CCDC144A: variants seen among roughly 807,000 people sequenced by gnomAD.
CCDC144A encodes coiled-coil domain-containing protein 144A.
A neutral mutation model predicts 143.8 loss-of-function variants in CCDC144A; 41 were observed. The ratio of observed to expected loss-of-function variants is 0.29; its 90% CI spans 0.22 to 0.37. CCDC144A has a LOEUF of 0.37. Ranked by LOEUF, CCDC144A falls within the 10% of genes least tolerant of loss-of-function variation. The pLI, the probability that CCDC144A is intolerant of heterozygous loss-of-function variation, is 1.00. For synonymous variants in CCDC144A, 242 were observed against 517.9 expected (o/e 0.47, Z 7.23); for missense variants, 637 against 1,488.8 (o/e 0.43, Z 9.41).
the CCDC144A span, chr17:16,683,432 G>C: frequency 1.8e-6 from 2 of 1,089,306 alleles, no homozygotes; most frequent in Non-Finnish European, 2.7e-6. Context: ...TGCCGGGAGT[G>C]AGCGATGAGC....
chr17:16,692,487 G>GA (rs1447076946), intron 1 of CCDC144A, among the ~76,000 whole-genome samples: 2 of 7,572 alleles, frequency 2.6e-4, no homozygotes, highest in Non-Finnish European at 4.0e-4. Flanking sequence ...TAGAACCTCT[G>GA]GAAAAATACA....
At chr17:16,762,214 T>G in intron 13 of CCDC144A, 99 bp from the exon 14 acceptor site, 1 of 1,510,854 alleles carries the variant, frequency 6.6e-7, no homozygotes, top group Middle Eastern at 1.8e-4. Context: ...TACTTAAAAT[T>G]GTTCTCTGAG....
At chr17:16,676,449 T>C in the CCDC144A span, among the ~76,000 whole-genome samples, 1 of 149,552 alleles carries the variant, frequency 6.7e-6, no homozygotes, top group Non-Finnish European at 1.5e-5. Context: ...AGGCAGAGCT[T>C]GCAGTGGGCA....
At chr17:16,699,365 T>G (rs185833812) in intron 2 of CCDC144A, among the ~76,000 whole-genome samples, 205 of 149,082 alleles carry the variant, frequency 1.4e-3, no homozygotes, top group Non-Finnish European at 2.6e-3. Flanking sequence ...ATTTGCAGGG[T>G]TTTTTGGACT....
intron 9 of CCDC144A, among the ~76,000 whole-genome samples, chr17:16,729,433 G>C (rs1913604646): frequency 6.6e-6 from 1 of 152,118 alleles, no homozygotes; most frequent in African/African-American, 2.4e-5. Flanking sequence ...TTTTTGATGG[G>C]ATTATTTGCA....
the CCDC144A span, chr17:16,684,188 G>A: frequency 5.8e-6 from 6 of 1,026,364 alleles, no homozygotes; most frequent in South Asian, 6.3e-5. Flanking sequence ...AGAGGACTTC[G>A]TGGCACTGGA....
intron 8 of CCDC144A, among the ~76,000 whole-genome samples, chr17:16,722,167 T>C (rs1196044106): frequency 1.3e-5 from 2 of 152,208 alleles, no homozygotes; most frequent in Non-Finnish European, 2.9e-5. Context: ...GAATGTTGTA[T>C]TTTATCAAAT....
At chr17:16,759,399 A>G (rs1184969662) in intron 12 of CCDC144A, among the ~76,000 whole-genome samples, 6 of 152,222 alleles carry the variant, frequency 3.9e-5, no homozygotes, top group Admixed American at 6.5e-5. Context: ...GAAAATGGTG[A>G]GTCGAACCAT....
At chr17:16,704,613 A>G (rs1323969876) in intron 2 of CCDC144A, among the ~76,000 whole-genome samples, 1 of 152,058 alleles carries the variant, frequency 6.6e-6, no homozygotes, top group Non-Finnish European at 1.5e-5. Context: ...GGGAACAGTT[A>G]GAGCCCTTAC....
chr17:16,754,186 T>C (rs1289720652), intron 12 of CCDC144A, among the ~76,000 whole-genome samples: 1 of 152,248 alleles, frequency 6.6e-6, no homozygotes, highest in Non-Finnish European at 1.5e-5. Context: ...TCCCTCTTTA[T>C]TTACTTGAGT....
At position 16,705,414 on chromosome 17, in the gene CCDC144A, T is replaced by C. The variant is rs969918866; in HGVS notation, c.664+15T>C. On this transcript the variant is annotated intron_variant, in intron 3 of 16. Coordinates refer to ENST00000399273, the MANE Select transcript of CCDC144A (RefSeq NM_001382000.1). ...GAGCAAAGAAGGTAACAAAGAAGCA[T>C]AGAGAATTCAGTCCTAGAGTGCCTC... 1.6e-6 allele frequency: 1 copy of C among 632,070 alleles called. No homozygotes were observed. Among genetic ancestry groups the C allele is most frequent in the Non-Finnish European group, 2.8e-6 (1 of 355,730 alleles). 39.2% of individuals were successfully genotyped at this position (632,070 alleles called of 1,614,324 possible).
chr17:16,745,812 G>T, intron 12 of CCDC144A: 3 of 1,609,224 alleles, frequency 1.9e-6, no homozygotes, highest in South Asian at 1.1e-5. Flanking sequence ...ACACCTCTGC[G>T]CTCTTCCCAG....
At chr17:16,702,202 A>G (rs2143081319) in intron 2 of CCDC144A, among the ~76,000 whole-genome samples, 2 of 152,260 alleles carry the variant, frequency 1.3e-5, no homozygotes. Flanking sequence ...TTCTGTTCAT[A>G]TATATTTTTC....
At chr17:16,762,733 C>A (rs1350057800) in intron 14 of CCDC144A, among the ~76,000 whole-genome samples, 200 bp downstream of exon 14, 3 of 152,076 alleles carry the variant, frequency 2.0e-5, no homozygotes, top group African/African-American at 4.8e-5. Context: ...ATGAACGTAA[C>A]CTTTAAAATC....
intron 6 of CCDC144A, among the ~76,000 whole-genome samples, chr17:16,716,755 A>G (rs1912776387): frequency 6.6e-6 from 1 of 151,842 alleles, no homozygotes; most frequent in Non-Finnish European, 1.5e-5. Context: ...CATAGCACAG[A>G]TCTAAATATG....
intron 12 of CCDC144A, among the ~76,000 whole-genome samples, chr17:16,754,738 T>C (rs533432656): frequency 2.0e-5 from 3 of 152,382 alleles, no homozygotes; most frequent in African/African-American, 7.2e-5. Flanking sequence ...GTCTGCTAGG[T>C]CCATGTGGTC....
chr17:16,669,613 A>G, the CCDC144A span, among the ~76,000 whole-genome samples: 1 of 152,272 alleles, frequency 6.6e-6, no homozygotes, highest in South Asian at 2.1e-4. Flanking sequence ...GTGGCTTTTG[A>G]GAAGTTGAAA....
intron 12 of CCDC144A, among the ~76,000 whole-genome samples, chr17:16,752,998 T>TA (rs1164384455): frequency 8.8e-6 from 1 of 113,244 alleles, no homozygotes; most frequent in Non-Finnish European, 1.9e-5. Flanking sequence ...TGGGAGCTAG[T>TA]ATCCCAGAGT....
chr17:16,671,840 C>A, the CCDC144A span, among the ~76,000 whole-genome samples: 9 of 151,990 alleles, frequency 5.9e-5, no homozygotes, highest in African/African-American at 2.2e-4. Flanking sequence ...CAAGAAAAAA[C>A]CATATGTATT....
Sources: gnomAD v4.1 joint callset for allele counts (sites outside exome capture counted in the v4.1 genomes callset) on GRCh38, gnomAD v4.1.1 for gene constraint, MANE v1.5 for transcripts, NCBI Gene and HGNC (gene_info 2026-07-23, HGNC 2026-07-21) for gene names.